The following FHIP1A variants were observed in gnomAD, a reference collection of about 807,000 sequenced individuals.
The protein encoded by FHIP1A is FHF complex subunit HOOK-interacting protein 1A.
In FHIP1A, 61 loss-of-function variants were observed where a neutral mutation model predicts 88.6. That is an observed-to-expected ratio of 0.69 (90% CI 0.56 to 0.85). FHIP1A has a LOEUF of 0.85. FHIP1A is among the 40% of genes least tolerant of loss of function. The pLI is 0.00. For missense variants in FHIP1A, 1,154 were observed against 1,273.5 expected, an observed-to-expected ratio of 0.91 and a Z score of 1.43; for synonymous variants, 478 against 496.0, an observed-to-expected ratio of 0.96 and a Z score of 0.48.
At chr4:151,435,355 G>C (rs1352049116) in intron 1 of FHIP1A, among the ~76,000 whole-genome samples, 1 of 152,126 alleles carries the variant, frequency 6.6e-6, no homozygotes, top group Admixed American at 6.6e-5. Context: ...ACCTGAGTGA[G>C]AACATGTGGT....
chr4:151,604,569 C>T (rs1734996799), intron 7 of FHIP1A, among the ~76,000 whole-genome samples: 1 of 152,062 alleles, frequency 6.6e-6, no homozygotes, highest in Non-Finnish European at 1.5e-5. Flanking sequence ...AATTTTTGGG[C>T]CGGGCATGGT....
intron 2 of FHIP1A, among the ~76,000 whole-genome samples, chr4:151,464,098 T>A (rs927915981): frequency 2.6e-5 from 4 of 152,192 alleles, no homozygotes; most frequent in African/African-American, 9.7e-5. Flanking sequence ...TTGCCCAGGC[T>A]GGACTTGAAC....
chr4:151,498,071 C>G (rs1730525356), intron 3 of FHIP1A, among the ~76,000 whole-genome samples: 1 of 152,218 alleles, frequency 6.6e-6, no homozygotes, highest in South Asian at 2.1e-4. Flanking sequence ...TCTCTCTGCT[C>G]ATTGGCTGTA....
At chr4:151,506,438 A>T (rs1730840689) in intron 3 of FHIP1A, among the ~76,000 whole-genome samples, 1 of 152,172 alleles carries the variant, frequency 6.6e-6, no homozygotes. Context: ...TTATAAAGAA[A>T]TGAGGTTGGT....
intron 4 of FHIP1A, among the ~76,000 whole-genome samples, chr4:151,571,517 T>G (rs1733602353): frequency 6.6e-6 from 1 of 152,174 alleles, no homozygotes; most frequent in Admixed American, 6.6e-5. Context: ...ACAGATAATA[T>G]ACTTGAGTTA....
At chr4:151,496,757 T>TCACCATGTTGCCC (rs1415132084) in intron 3 of FHIP1A, among the ~76,000 whole-genome samples, 9 of 136,734 alleles carry the variant, frequency 6.6e-5, no homozygotes, top group African/African-American at 2.0e-4. Flanking sequence ...AGATGAAGTC[T>TCACCATGTTGCCC]CACCATGTTG....
chr4:151,504,188 CAGGGAA>C (rs1420745725), intron 3 of FHIP1A, among the ~76,000 whole-genome samples: 3 of 152,186 alleles, frequency 2.0e-5, no homozygotes, highest in Non-Finnish European at 4.4e-5. Flanking sequence ...TAGCATCTCT[CAGGGAA>C]AATGTTTGCA....
intron 3 of FHIP1A, among the ~76,000 whole-genome samples, chr4:151,538,089 G>T (rs1489857582): frequency 6.6e-6 from 1 of 152,136 alleles, no homozygotes; most frequent in Non-Finnish European, 1.5e-5. Flanking sequence ...ACTTTGAGGG[G>T]TTTGTATTTC....
rs1560836366 is a variant in FHIP1A at position 151,669,990 on chromosome 4, G to A, written c.*7236G>A. The A allele has an allele frequency of 6.6e-6, 1 of 152,142 alleles. No individual in the cohort carries two copies. Among genetic ancestry groups the A allele is most frequent in the African/African-American group, 2.4e-5 (1 of 41,416 alleles). 9.4% of individuals were successfully genotyped at this position (152,142 alleles called of 1,614,324 possible). On this transcript the variant is annotated 3_prime_UTR_variant, in exon 14 of 14. Transcript: ENST00000435205. The stretch of plus-strand genomic sequence containing the variant: ...TTCTAGTTCCTCAGCTGCTTCTGGA[G>A]CAGTGTTCACAACGGGAATGTTTTT...
intron 4 of FHIP1A, among the ~76,000 whole-genome samples, chr4:151,568,879 G>A (rs1456450943): frequency 6.6e-6 from 1 of 152,030 alleles, no homozygotes; most frequent in Non-Finnish European, 1.5e-5. Flanking sequence ...TTTTTTGGAT[G>A]GTACATATAA....
At chr4:151,559,801 T>C (rs1733100874) in intron 3 of FHIP1A, among the ~76,000 whole-genome samples, 1 of 152,206 alleles carries the variant, frequency 6.6e-6, no homozygotes, top group Non-Finnish European at 1.5e-5. Flanking sequence ...TCTGACTTGA[T>C]AGTCTGAGTC....
At chr4:151,442,266 G>A (rs566496893) in intron 1 of FHIP1A, among the ~76,000 whole-genome samples, 1 of 152,042 alleles carries the variant, frequency 6.6e-6, no homozygotes, top group Non-Finnish European at 1.5e-5. Context: ...TGCAGTTCCA[G>A]ACAATAGATA....
intron 8 of FHIP1A, among the ~76,000 whole-genome samples, chr4:151,632,768 T>G (rs1051464312): frequency 6.6e-6 from 1 of 151,942 alleles, no homozygotes; most frequent in African/African-American, 2.4e-5. Context: ...TTAGAAAATA[T>G]CTGGAGACAA....
At chr4:151,649,409 C>G (rs1182824501) in intron 10 of FHIP1A, 50 bp from the exon 11 acceptor site, 1 of 1,401,446 alleles carries the variant, frequency 7.1e-7, no homozygotes, top group Non-Finnish European at 9.7e-7. Context: ...CATCCACTAC[C>G]TTTGTCCCCA....
At chr4:151,491,934 A>G (rs1288640821) in intron 3 of FHIP1A, among the ~76,000 whole-genome samples, 2 of 152,224 alleles carry the variant, frequency 1.3e-5, no homozygotes, top group African/African-American at 4.8e-5. Flanking sequence ...TGAAAGAATT[A>G]GTCCAGCAGG....
chr4:151,477,263 A>T (rs1361480914), intron 2 of FHIP1A, among the ~76,000 whole-genome samples: 1 of 152,206 alleles, frequency 6.6e-6, no homozygotes, highest in East Asian at 1.9e-4. Context: ...TGGTATTTCA[A>T]ATTAGTCGGG....
At chr4:151,426,972 T>A (rs941096263) in intron 1 of FHIP1A, among the ~76,000 whole-genome samples, 10 of 152,160 alleles carry the variant, frequency 6.6e-5, no homozygotes, top group Admixed American at 2.0e-4. Flanking sequence ...GCATTTTTTT[T>A]AAAGAGCTAT....
intron 2 of FHIP1A, among the ~76,000 whole-genome samples, chr4:151,456,520 T>C (rs1179068443): frequency 6.6e-6 from 1 of 152,148 alleles, no homozygotes; most frequent in Non-Finnish European, 1.5e-5. Context: ...TCTGACTCCT[T>C]ATGGGACTTC....
chr4:151,504,866 C>T (rs1474201779), intron 3 of FHIP1A, among the ~76,000 whole-genome samples: 6 of 152,180 alleles, frequency 3.9e-5, no homozygotes, highest in African/African-American at 9.7e-5. Context: ...GATCCACGCA[C>T]CTCGGCCTCC....
Sources: allele counts gnomAD v4.1 joint callset (sites outside exome capture counted in the v4.1 genomes callset), GRCh38; gene constraint gnomAD v4.1.1; transcripts MANE v1.5; gene names NCBI Gene and HGNC (gene_info 2026-07-23, HGNC 2026-07-21).